PEX5L: variants seen among roughly 807,000 people sequenced by gnomAD.
PEX5L encodes the protein peroxisomal biogenesis factor 5 like, also known as PEX5-related protein.
PEX5L carries 30 observed loss-of-function variants against 84.0 expected under a neutral mutation model. The ratio of observed to expected loss-of-function variants is 0.36; its 90% CI spans 0.27 to 0.48. PEX5L has a LOEUF of 0.48. Among genes scored for constraint, PEX5L ranks in the 20% least tolerant of loss-of-function variants. PEX5L has a pLI of 0.99. For missense variants in PEX5L, 533 were observed against 754.6 expected, an observed-to-expected ratio of 0.71 and a Z score of 3.44; for synonymous variants, 270 against 283.1, an observed-to-expected ratio of 0.95 and a Z score of 0.46.
At chr3:180,035,181 A>G (rs1695062854) in intron 1 of PEX5L, among the ~76,000 whole-genome samples, 1 of 152,186 alleles carries the variant, frequency 6.6e-6, no homozygotes, top group African/African-American at 2.4e-5. Flanking sequence ...AAAAACAGAT[A>G]ATATATAAAA....
At chr3:179,915,737 T>C (rs188173665) in intron 2 of PEX5L, among the ~76,000 whole-genome samples, 5 of 152,336 alleles carry the variant, frequency 3.3e-5, no homozygotes, top group African/African-American at 9.6e-5. Flanking sequence ...TTCTCTACTT[T>C]GAAGCCTCCA....
chr3:180,003,860 A>G (rs568891819), intron 1 of PEX5L, among the ~76,000 whole-genome samples: 2 of 152,236 alleles, frequency 1.3e-5, no homozygotes, highest in East Asian at 3.8e-4. Context: ...TGTTGGACAA[A>G]TAAGTGAAGG....
At chr3:179,986,564 G>A (rs1022950658) in intron 1 of PEX5L, among the ~76,000 whole-genome samples, 8 of 151,952 alleles carry the variant, frequency 5.3e-5, no homozygotes, top group South Asian at 2.1e-4. Flanking sequence ...CACCACGCCC[G>A]GCTAATTTTT....
chr3:180,030,191 T>C (rs961612601), intron 1 of PEX5L, among the ~76,000 whole-genome samples: 1 of 152,180 alleles, frequency 6.6e-6, no homozygotes, highest in African/African-American at 2.4e-5. Context: ...AACTCACATA[T>C]ACCTAGTGTG....
At chr3:179,946,525 A>G (rs34638709) in intron 2 of PEX5L, among the ~76,000 whole-genome samples, 59,762 of 152,048 alleles carry the variant, frequency 0.39, 12,289 homozygotes, top group Non-Finnish European at 0.45. Flanking sequence ...GAATAGAGGG[A>G]ATAATGACAA....
chr3:179,834,013 A>T (rs1170022478), intron 8 of PEX5L, among the ~76,000 whole-genome samples: 4 of 151,758 alleles, frequency 2.6e-5, no homozygotes, highest in Admixed American at 1.3e-4. Context: ...TTTTATTTTT[A>T]TTTTTTTGTG....
intron 5 of PEX5L, among the ~76,000 whole-genome samples, chr3:179,876,313 G>A (rs925775466): frequency 6.6e-6 from 1 of 151,926 alleles, no homozygotes; most frequent in African/African-American, 2.4e-5. Flanking sequence ...GACCAACATG[G>A]TGAAACCCTG....
intron 7 of PEX5L, among the ~76,000 whole-genome samples, 179 bp downstream of exon 7, chr3:179,874,148 T>TAA (rs1491544560): frequency 6.7e-6 from 1 of 149,142 alleles, no homozygotes; most frequent in Non-Finnish European, 1.5e-5. Context: ...TATATATATA[T>TAA]ACACACACAC....
Position 179,935,485 on chromosome 3 carries a change from C to T in PEX5L, c.93+36109G>A, listed in dbSNP as rs564429779. Reference sequence around the variant, plus strand: ...GGGCCACTGGGGCCTCCACCCCATGCGGGATGTGCTTTTGGGTTATTTTCG... The same window carrying T: ...GGGCCACTGGGGCCTCCACCCCATGTGGGATGTGCTTTTGGGTTATTTTCG... On this transcript the variant is annotated intron_variant, in intron 2 of 14. Transcript: ENST00000467460. 6.6e-5 allele frequency among the ~76,000 whole-genome samples: 10 copies of T among 151,730 alleles called. No individual in the cohort carries two copies. In the East Asian group the frequency reaches 1.6e-3, roughly 24 times the overall value.
intron 7 of PEX5L, among the ~76,000 whole-genome samples, chr3:179,868,736 A>G (rs141799197): frequency 6.6e-6 from 1 of 152,150 alleles, no homozygotes; most frequent in African/African-American, 2.4e-5. Flanking sequence ...GGCTTCATCT[A>G]TATGATAAGG....
At chr3:179,815,256 T>C (rs1344041403) in intron 10 of PEX5L, among the ~76,000 whole-genome samples, 1 of 152,214 alleles carries the variant, frequency 6.6e-6, no homozygotes, top group Non-Finnish European at 1.5e-5. Flanking sequence ...CATCACTATA[T>C]ACTGTCCCTT....
chr3:179,958,047 T>C (rs969641758), intron 2 of PEX5L, among the ~76,000 whole-genome samples: 1 of 152,004 alleles, frequency 6.6e-6, no homozygotes, highest in African/African-American at 2.4e-5. Context: ...CACACACACA[T>C]GCACACATAT....
chr3:179,829,766 C>A lies in PEX5L; in HGVS notation c.823-9790G>T, dbSNP rs933101578. 2.2e-5 allele frequency among the ~76,000 whole-genome samples: 3 copies of A among 135,562 alleles called. No homozygotes were observed. The East Asian group carries it at 7.0e-4, about 32-fold the overall frequency. 88.9% of individuals were successfully genotyped at this position (135,562 alleles called of 152,430 possible). A position where few individuals can be genotyped will look rare whatever the true frequency, so the allele number is the denominator to read the frequency against. ...CTTGGTGATAAATAATTTAAACTTG[C>A]TATATCTTTTTTTTTTTTTTTTTTT... On this transcript the variant is annotated intron_variant, in intron 8 of 14. Coordinates refer to ENST00000467460, the MANE Select transcript of PEX5L (RefSeq NM_016559.3).
At chr3:179,980,838 AC>A (rs1786260028) in intron 1 of PEX5L, among the ~76,000 whole-genome samples, 1 of 152,086 alleles carries the variant, frequency 6.6e-6, no homozygotes, top group African/African-American at 2.4e-5. Flanking sequence ...ACCCTGGCCA[AC>A]ATGGTGAAAC....
chr3:179,973,626 C>G, intron 1 of PEX5L: 1 of 985,360 alleles, frequency 1.0e-6, no homozygotes, highest in African/African-American at 1.7e-5. Flanking sequence ...CTATTCTAAA[C>G]TTTCTTGACA....
At chr3:179,811,129 A>C (rs1208517915) in intron 11 of PEX5L, among the ~76,000 whole-genome samples, 1 of 152,168 alleles carries the variant, frequency 6.6e-6, no homozygotes, top group South Asian at 2.1e-4. Flanking sequence ...GAATTCTTAC[A>C]ATCTGATATT....
chr3:180,023,100 G>A (rs73180045), intron 1 of PEX5L, among the ~76,000 whole-genome samples: 13,483 of 152,176 alleles, frequency 0.089, 732 homozygotes, highest in Non-Finnish European at 0.12. Context: ...CTATGCAGGC[G>A]CAAGCAATAG....
In PEX5L at chr3:179,799,811, C is replaced by T. The variant is rs1718327742; in HGVS notation, c.*2017G>A. 1 of 152,204 alleles carries T rather than the reference C, an allele frequency of 6.6e-6. No homozygotes were observed. Among genetic ancestry groups the T allele is most frequent in the Non-Finnish European group, 1.5e-5 (1 of 68,060 alleles). 9.4% of individuals were successfully genotyped at this position (152,204 alleles called of 1,614,324 possible). A position where few individuals can be genotyped will look rare whatever the true frequency, so the allele number is the denominator to read the frequency against. On this transcript the variant is annotated 3_prime_UTR_variant, in exon 15 of 15. Transcript: ENST00000467460. The stretch of plus-strand genomic sequence containing the variant: ...CTTACCAGACTGGGTTTCTCGAATT[C>T]TACAATTCTTACAATACCATTCTTG...
At chr3:179,930,969 G>A (rs1169455350) in intron 2 of PEX5L, among the ~76,000 whole-genome samples, 1 of 152,034 alleles carries the variant, frequency 6.6e-6, no homozygotes, top group Non-Finnish European at 1.5e-5. Context: ...TATTTGACCT[G>A]TTCAGCCTTG....
Sources: allele counts gnomAD v4.1 joint callset (sites outside exome capture counted in the v4.1 genomes callset), GRCh38; gene constraint gnomAD v4.1.1; transcripts MANE v1.5; gene names NCBI Gene and HGNC (gene_info 2026-07-23, HGNC 2026-07-21).